The following DDC variants were observed in gnomAD, a reference collection of about 807,000 sequenced individuals.
DDC encodes the protein dopa decarboxylase.
DDC carries 43 observed loss-of-function variants against 60.0 expected under a neutral mutation model. The observed-to-expected ratio is 0.72, with a 90% CI of 0.56 to 0.92. DDC has a LOEUF of 0.92. Among genes scored for constraint, DDC ranks in the 40% least tolerant of loss-of-function variants. DDC has a pLI of 0.00. For missense variants in DDC, 573 were observed against 620.2 expected, an observed-to-expected ratio of 0.92 and a Z score of 0.81; for synonymous variants, 232 against 234.6, an observed-to-expected ratio of 0.99 and a Z score of 0.10.
chr7:50,549,729 G>A (rs1410198186), intron 1 of DDC, among the ~76,000 whole-genome samples: 1 of 151,792 alleles, frequency 6.6e-6, no homozygotes, highest in African/African-American at 2.4e-5. Flanking sequence ...GGAGGTGGAA[G>A]AAGTTGATTC....
chr7:50,502,738 T>C (rs2043290442), intron 7 of DDC, among the ~76,000 whole-genome samples: 1 of 152,254 alleles, frequency 6.6e-6, no homozygotes, highest in Non-Finnish European at 1.5e-5. Context: ...CAGCACTGCA[T>C]TCCTTGCTGT....
At chr7:50,558,190 T>C (rs1221506612) in intron 1 of DDC, among the ~76,000 whole-genome samples, 1 of 152,124 alleles carries the variant, frequency 6.6e-6, no homozygotes, top group Non-Finnish European at 1.5e-5. Context: ...TGCTATTGGC[T>C]TGAGACAATT....
At chr7:50,562,590 T>C (rs2045365936) in intron 1 of DDC, among the ~76,000 whole-genome samples, 1 of 152,194 alleles carries the variant, frequency 6.6e-6, no homozygotes, top group Admixed American at 6.5e-5. Flanking sequence ...TCCCACTTTC[T>C]TGCCCCTGGC....
chr7:50,495,849 C>G (rs2043115971), intron 8 of DDC, among the ~76,000 whole-genome samples: 1 of 152,146 alleles, frequency 6.6e-6, no homozygotes, highest in Non-Finnish European at 1.5e-5. Flanking sequence ...CCTTCACAAG[C>G]ACAACGTACA....
chr7:50,555,601 C>A (rs537887663), intron 1 of DDC, among the ~76,000 whole-genome samples: 1 of 152,064 alleles, frequency 6.6e-6, no homozygotes, highest in Non-Finnish European at 1.5e-5. Flanking sequence ...TATGTAAACC[C>A]GGGTGTTCTT....
intron 1 of DDC, among the ~76,000 whole-genome samples, chr7:50,544,615 T>G (rs2044742663): frequency 6.6e-6 from 1 of 152,192 alleles, no homozygotes; most frequent in South Asian, 2.1e-4. Context: ...AAACTTAGTC[T>G]TCTTCTCTCC....
intron 5 of DDC, among the ~76,000 whole-genome samples, chr7:50,528,773 G>T (rs11575340): frequency 0.05 from 7,630 of 152,152 alleles, 442 homozygotes; most frequent in African/African-American, 0.14. Flanking sequence ...TCTCAGGAAA[G>T]GCAATTCTCA....
At chr7:50,492,939 C>G (rs750339637) in intron 9 of DDC, 10 of 1,598,088 alleles carry the variant, frequency 6.3e-6, no homozygotes, top group Non-Finnish European at 7.6e-6. Flanking sequence ...AGGCTCAACT[C>G]CTTCTCACCA....
In DDC at chr7:50,460,389, G is replaced by A. The variant is rs1225615201; in HGVS notation, c.*19-1546C>T. Among the ~76,000 whole-genome samples the A allele has an allele frequency of 1.2e-4, 18 of 147,950 alleles. 1 individual carries two copies. The highest frequency in any genetic ancestry group is 4.1e-4 in the African/African-American group (16 of 39,052). ...GGGTCAGCCCCCCGCCCGGCCAGCC[G>A]CCCCATCCGGGAGGAAGGTGGGGGG... is the stretch of plus-strand genomic sequence containing the variant. On this transcript the variant is annotated intron_variant, in intron 14 of 14. Coordinates refer to ENST00000444124, the MANE Select transcript of DDC (RefSeq NM_001082971.2).
chr7:50,467,702 T>A (rs1208381510), intron 12 of DDC, among the ~76,000 whole-genome samples: 1 of 152,210 alleles, frequency 6.6e-6, no homozygotes. Context: ...CACTGCGGCA[T>A]CCTCAGGACA....
intron 11 of DDC, among the ~76,000 whole-genome samples, chr7:50,474,744 C>T (rs765364576): frequency 4.6e-5 from 7 of 152,160 alleles, no homozygotes; most frequent in African/African-American, 9.7e-5. Flanking sequence ...TTAGTCAATA[C>T]GGAGTTTTTA....
Position 50,539,823 on chromosome 7 carries a change from C to T in DDC, c.315+92G>A. 4 of 925,422 alleles carry T rather than the reference C, an allele frequency of 4.3e-6. No individual in the cohort carries two copies. In the South Asian group the frequency reaches 5.6e-5, roughly 13 times the overall value. 57.3% of individuals were successfully genotyped at this position (925,422 alleles called of 1,614,324 possible). A position where few individuals can be genotyped will look rare whatever the true frequency, so the allele number is the denominator to read the frequency against. On this transcript the variant is annotated intron_variant, in intron 3 of 14. Coordinates refer to ENST00000444124, the MANE Select transcript of DDC (RefSeq NM_001082971.2). Reference sequence around the variant, plus strand: ...GTCTGCCCACAGACAGCACCGCCATCTGCTCAGGTCCCTTGTGCATAGGTA... The same window carrying T: ...GTCTGCCCACAGACAGCACCGCCATTTGCTCAGGTCCCTTGTGCATAGGTA...
rs11575533 is a variant in DDC, at chr7:50,466,263, G to A, written c.1242+951C>T. On this transcript the variant is annotated intron_variant, in intron 13 of 14. Transcript: ENST00000444124. Reference sequence around the variant, plus strand: ...CCAGCACTTTGAGAGGCTGAGGCGGGTGGATCACGAGGTCAGAAGTTCGAG... The same window carrying A: ...CCAGCACTTTGAGAGGCTGAGGCGGATGGATCACGAGGTCAGAAGTTCGAG... 3.9e-3 allele frequency among the ~76,000 whole-genome samples: 590 copies of A among 152,236 alleles called. 4 individuals are homozygous for A. The highest frequency in any genetic ancestry group is 0.014 in the African/African-American group (565 of 41,550).
chr7:50,506,078 G>T (rs1418649693), intron 6 of DDC, among the ~76,000 whole-genome samples: 3 of 152,344 alleles, frequency 2.0e-5, no homozygotes, highest in Admixed American at 6.5e-5. Context: ...GGCAGGGCAA[G>T]GGTGAGCAGG....
intron 6 of DDC, among the ~76,000 whole-genome samples, chr7:50,511,052 T>C (rs867397121): frequency 5.8e-5 from 8 of 139,096 alleles, no homozygotes; most frequent in Non-Finnish European, 1.1e-4. Context: ...GATATATCTA[T>C]ACACACACAC....
At chr7:50,511,052 TACACACACACAC>T (rs377138071) in intron 6 of DDC, among the ~76,000 whole-genome samples, 1 of 139,098 alleles carries the variant, frequency 7.2e-6, no homozygotes, top group Non-Finnish European at 1.5e-5. Context: ...GATATATCTA[TACACACACACAC>T]ACACACACAC....
At chr7:50,495,693 T>G (rs988020436) in intron 8 of DDC, among the ~76,000 whole-genome samples, 2 of 152,180 alleles carry the variant, frequency 1.3e-5, no homozygotes, top group African/African-American at 4.8e-5. Context: ...TAGATTATAC[T>G]CTCATAAAAT....
intron 6 of DDC, among the ~76,000 whole-genome samples, chr7:50,510,946 A>C (rs1367735055): frequency 7.4e-6 from 1 of 134,804 alleles, no homozygotes; most frequent in African/African-American, 2.8e-5. Context: ...GCGCCACTGC[A>C]CTCCGGCCTG....
intron 13 of DDC, among the ~76,000 whole-genome samples, chr7:50,466,582 G>A (rs1585135083): frequency 6.6e-6 from 1 of 151,968 alleles, no homozygotes; most frequent in East Asian, 1.9e-4. Flanking sequence ...GATTACCAAG[G>A]GGCATGTGTG....
Sources: gnomAD v4.1 joint callset for allele counts (sites outside exome capture counted in the v4.1 genomes callset) on GRCh38, gnomAD v4.1.1 for gene constraint, MANE v1.5 for transcripts, NCBI Gene and HGNC (gene_info 2026-07-23, HGNC 2026-07-21) for gene names.